SCN8A: variants seen among roughly 807,000 people sequenced by gnomAD.
SCN8A encodes sodium channel protein type 8 subunit alpha.
In SCN8A, 30 loss-of-function variants were observed where a neutral mutation model predicts 184.1. The ratio of observed to expected loss-of-function variants is 0.16; its 90% CI spans 0.12 to 0.22. SCN8A has a LOEUF of 0.22. SCN8A is among the 10% of genes least tolerant of loss of function. SCN8A has a pLI of 1.00. For synonymous variants in SCN8A, 852 were observed against 907.0 expected, an observed-to-expected ratio of 0.94 and a Z score of 1.09; for missense variants, 1,057 against 2,498.9, an observed-to-expected ratio of 0.42 and a Z score of 12.30.
chr12:51,673,102 A>G (rs1941160949), intron 2 of SCN8A, among the ~76,000 whole-genome samples: 3 of 152,170 alleles, frequency 2.0e-5, no homozygotes. Context: ...TCAGCCCTCC[A>G]TACCCATGGG....
chr12:51,640,333 T>A (rs1048175608), intron 1 of SCN8A, among the ~76,000 whole-genome samples: 2 of 149,180 alleles, frequency 1.3e-5, no homozygotes, highest in Admixed American at 6.8e-5. Context: ...ACCAAAAAAA[T>A]TTTGTTACTG....
rs146489322 is a variant in SCN8A, at chr12:51,678,636, G to A, written c.277-5538G>A. Among the ~76,000 whole-genome samples the A allele has an allele frequency of 1.4e-4, 21 of 152,288 alleles. No homozygotes were observed. In the East Asian group the frequency reaches 2.7e-3, roughly 20 times the overall value. ...AGGCCATACAGTTAGGCAGAGGCAG[G>A]GAAGAAGGAGAACACAAATGTTTTA... On this transcript the variant is annotated intron_variant, in intron 2 of 26. Coordinates refer to ENST00000627620, the MANE Select transcript of SCN8A (RefSeq NM_001330260.2).
intron 21 of SCN8A, among the ~76,000 whole-genome samples, chr12:51,784,597 A>G (rs964280007): frequency 6.6e-6 from 1 of 152,168 alleles, no homozygotes; most frequent in African/African-American, 2.4e-5. Flanking sequence ...GGTTATGATT[A>G]AAGTACATTT....
intron 26 of SCN8A, among the ~76,000 whole-genome samples, chr12:51,797,345 G>T (rs923881013): frequency 1.3e-5 from 2 of 152,116 alleles, no homozygotes; most frequent in Non-Finnish European, 2.9e-5. Context: ...AAAAAGAAAA[G>T]AACTAAAATG....
intron 21 of SCN8A, among the ~76,000 whole-genome samples, chr12:51,786,007 A>G (rs1212683522): frequency 2.6e-5 from 4 of 152,180 alleles, no homozygotes; most frequent in African/African-American, 2.4e-5. Flanking sequence ...CCTGCAAAAT[A>G]TGCATGCTCA....
intron 1 of SCN8A, among the ~76,000 whole-genome samples, chr12:51,634,656 A>ATTATTTTT (rs1555210870): frequency 7.3e-6 from 1 of 136,650 alleles, no homozygotes; most frequent in African/African-American, 2.7e-5. Flanking sequence ...TATTATTATT[A>ATTATTTTT]TTTTTTTTTT....
intron 1 of SCN8A, among the ~76,000 whole-genome samples, chr12:51,618,487 A>G (rs1939892445): frequency 6.6e-6 from 1 of 151,268 alleles, no homozygotes; most frequent in East Asian, 1.9e-4. Flanking sequence ...ACACACACAC[A>G]CACACACACA....
intron 1 of SCN8A, among the ~76,000 whole-genome samples, chr12:51,598,671 C>T (rs1019905710): frequency 1.3e-5 from 2 of 152,086 alleles, no homozygotes; most frequent in Non-Finnish European, 2.9e-5. Context: ...TCAAAAAGTT[C>T]GAAGTTAAGT....
intron 14 of SCN8A, among the ~76,000 whole-genome samples, chr12:51,754,824 A>T (rs1301896635): frequency 6.6e-6 from 1 of 152,188 alleles, no homozygotes; most frequent in African/African-American, 2.4e-5. Flanking sequence ...TTTGGTAGGA[A>T]TATCAGATAA....
At chr12:51,805,035 A>T (rs531042820) in intron 26 of SCN8A, among the ~76,000 whole-genome samples, 8 of 152,334 alleles carry the variant, frequency 5.3e-5, no homozygotes, top group Non-Finnish European at 8.8e-5. Context: ...TTGTTTGTGG[A>T]TATGGAAATT....
At chr12:51,716,931 T>C (rs1457936927) in intron 11 of SCN8A, among the ~76,000 whole-genome samples, 1 of 152,144 alleles carries the variant, frequency 6.6e-6, no homozygotes, top group Non-Finnish European at 1.5e-5. Flanking sequence ...AATCACCCCA[T>C]AGCCAGATAC....
At chr12:51,645,342 G>GC (rs1246477938) in intron 1 of SCN8A, among the ~76,000 whole-genome samples, 4 of 150,856 alleles carry the variant, frequency 2.7e-5, no homozygotes, top group African/African-American at 7.3e-5. Flanking sequence ...GGGGGGTTCA[G>GC]CCCCCCGTCT....
chr12:51,689,482 G>C (rs754885276), intron 6 of SCN8A: 1 of 181,268 alleles, frequency 5.5e-6, no homozygotes, highest in Non-Finnish European at 1.2e-5. Flanking sequence ...GCTTCCTATC[G>C]CATGGTTTGC....
At chr12:51,712,216 T>G (rs1333430845) in intron 11 of SCN8A, among the ~76,000 whole-genome samples, 1 of 152,214 alleles carries the variant, frequency 6.6e-6, no homozygotes, top group East Asian at 1.9e-4. Flanking sequence ...TACATCTAAT[T>G]GACACTACAT....
intron 1 of SCN8A, among the ~76,000 whole-genome samples, chr12:51,592,014 C>A (rs895622091): frequency 1.5e-4 from 22 of 148,714 alleles, no homozygotes; most frequent in African/African-American, 5.2e-4. Flanking sequence ...CATTTGGAAG[C>A]ACATCACTTT....
At chr12:51,794,767 TC>T in intron 26 of SCN8A, 126 bp downstream of exon 26, 1 of 904,728 alleles carries the variant, frequency 1.1e-6, no homozygotes, top group Non-Finnish European at 1.7e-6. Context: ...ATAGCTTAAG[TC>T]CATGTGTGCC....
At position 51,780,561 on chromosome 12, in the gene SCN8A, C is replaced by CTTTTTTTTTTTTTT. The variant is rs1565923413; in HGVS notation, c.3820-85_3820-84insTTTTTTTTTTTTTT. Reference sequence around the variant, plus strand: ...TCTAACACTCTGGAACCTCTGTTTTCTTTCTTTTTTTTTTTTTTTTTTTTT... The same window carrying CTTTTTTTTTTTTTT: ...TCTAACACTCTGGAACCTCTGTTTTCTTTTTTTTTTTTTTTTTCTTTTTTTTTTTTTTTTTTTTT... On this transcript the variant is annotated intron_variant, in intron 20 of 26. Transcript: ENST00000627620. 3 of 457,856 alleles carry CTTTTTTTTTTTTTT rather than the reference C, an allele frequency of 6.6e-6. No homozygotes were observed. The African/African-American group carries it at 3.3e-4, about 50-fold the overall frequency. 28.4% of individuals were successfully genotyped at this position (457,856 alleles called of 1,614,324 possible).
At chr12:51,800,358 A>T (rs1938522576) in intron 26 of SCN8A, among the ~76,000 whole-genome samples, 1 of 152,188 alleles carries the variant, frequency 6.6e-6, no homozygotes, top group Non-Finnish European at 1.5e-5. Flanking sequence ...GATCTATCTG[A>T]CTTCTGCACA....
intron 11 of SCN8A, among the ~76,000 whole-genome samples, chr12:51,709,948 G>A (rs189366619): frequency 6.9e-4 from 105 of 152,254 alleles, no homozygotes; most frequent in African/African-American, 2.3e-3. Context: ...TTTTGATAAT[G>A]TTGGGAATTA....
Sources: gnomAD v4.1 joint callset for allele counts (sites outside exome capture counted in the v4.1 genomes callset) on GRCh38, gnomAD v4.1.1 for gene constraint, MANE v1.5 for transcripts, NCBI Gene and HGNC (gene_info 2026-07-23, HGNC 2026-07-21) for gene names.